The following NCOA1 variants were observed in gnomAD, a reference collection of about 807,000 sequenced individuals.
NCOA1 encodes nuclear receptor coactivator 1, also known as Hin-2 protein.
NCOA1 carries 35 observed loss-of-function variants against 150.9 expected under a neutral mutation model. That is an observed-to-expected ratio of 0.23 (90% CI 0.18 to 0.31). The LOEUF is 0.31. NCOA1 is among the 10% of genes least tolerant of loss of function. The pLI, the probability that NCOA1 is intolerant of heterozygous loss-of-function variation, is 1.00. For synonymous variants in NCOA1, 590 were observed against 630.0 expected, an observed-to-expected ratio of 0.94 and a Z score of 0.95; for missense variants, 1,491 against 1,749.3, an observed-to-expected ratio of 0.85 and a Z score of 2.63.
At chr2:24,763,856 AG>A (rs1018630644) in intron 22 of NCOA1, among the ~76,000 whole-genome samples, 6 of 151,914 alleles carry the variant, frequency 3.9e-5, no homozygotes, top group Non-Finnish European at 7.4e-5. Flanking sequence ...TCCTGACCTA[AG>A]GTGATCCACC....
intron 20 of NCOA1, among the ~76,000 whole-genome samples, chr2:24,756,250 C>G (rs1229038667): frequency 6.6e-6 from 1 of 152,020 alleles, no homozygotes; most frequent in African/African-American, 2.4e-5. Flanking sequence ...GTAAAACTCC[C>G]ATCTCCAAAA....
At chr2:24,727,151 A>AT (rs1674674144) in intron 15 of NCOA1, among the ~76,000 whole-genome samples, 1 of 151,096 alleles carries the variant, frequency 6.6e-6, no homozygotes, top group Non-Finnish European at 1.5e-5. Flanking sequence ...AAAAAAAAAA[A>AT]AAAAAAAAAA....
At chr2:24,664,605 G>T (rs761211888) in intron 5 of NCOA1, among the ~76,000 whole-genome samples, 29 of 152,180 alleles carry the variant, frequency 1.9e-4, no homozygotes, top group Non-Finnish European at 3.8e-4. Context: ...CTACTTGGGA[G>T]GCTGAGGCAG....
chr2:24,631,909 G>A (rs961039581), intron 3 of NCOA1, among the ~76,000 whole-genome samples: 2 of 151,958 alleles, frequency 1.3e-5, no homozygotes, highest in Non-Finnish European at 2.9e-5. Context: ...TCAGGATAGT[G>A]GATTCTTAAA....
At chr2:24,584,737 A>C (rs931079186) in intron 3 of NCOA1, among the ~76,000 whole-genome samples, 177 bp downstream of exon 3, 5 of 152,236 alleles carry the variant, frequency 3.3e-5, no homozygotes, top group African/African-American at 1.2e-4. Flanking sequence ...AGTCTGCTTA[A>C]AGCTGTGTAG....
intron 6 of NCOA1, among the ~76,000 whole-genome samples, chr2:24,671,636 C>G (rs1671688673): frequency 6.6e-6 from 1 of 152,186 alleles, no homozygotes; most frequent in African/African-American, 2.4e-5. Flanking sequence ...TCTCGGCTCA[C>G]TGCAACCTCT....
rs181574126 is a variant in NCOA1, at chr2:24,516,224, G to A, written c.-396+24622G>A. Reference sequence around the variant, plus strand: ...TTTTTTTTTTTTGAGACGGAGCCTCGCTCTGTCGCCCAGGCTGGAGTGCAG... The same window carrying A: ...TTTTTTTTTTTTGAGACGGAGCCTCACTCTGTCGCCCAGGCTGGAGTGCAG... On this transcript the variant is annotated intron_variant, in intron 1 of 22. Transcript: ENST00000348332. 9.3e-5 allele frequency among the ~76,000 whole-genome samples: 11 copies of A among 118,374 alleles called. No individual in the cohort carries two copies. In the East Asian group the frequency reaches 2.5e-3, roughly 27 times the overall value. 77.7% of individuals were successfully genotyped at this position (118,374 alleles called of 152,430 possible).
At chr2:24,730,899 A>T (rs140903631) in intron 17 of NCOA1, among the ~76,000 whole-genome samples, 2,646 of 145,996 alleles carry the variant, frequency 0.018, 243 homozygotes, top group Admixed American at 0.15. Context: ...AAAAACGGGC[A>T]TGGTGGCACG....
chr2:24,730,051 G>A (rs2148642722), intron 17 of NCOA1, among the ~76,000 whole-genome samples: 1 of 152,180 alleles, frequency 6.6e-6, no homozygotes, highest in African/African-American at 2.4e-5. Context: ...TCACCATATT[G>A]GCCAGGATGG....
chr2:24,537,482 ATGTG>A (rs199844769), intron 1 of NCOA1, among the ~76,000 whole-genome samples: 1 of 150,312 alleles, frequency 6.7e-6, no homozygotes, highest in African/African-American at 2.4e-5. Flanking sequence ...TAATATATGT[ATGTG>A]TGTGTGTGTG....
At chr2:24,507,187 A>G (rs891213359) in intron 1 of NCOA1, among the ~76,000 whole-genome samples, 2 of 152,204 alleles carry the variant, frequency 1.3e-5, no homozygotes, top group African/African-American at 4.8e-5. Flanking sequence ...AGACAGCTTT[A>G]TGGATGAGGG....
chr2:24,676,208 TC>T, intron 7 of NCOA1: 1 of 154,638 alleles, frequency 6.5e-6, no homozygotes. Context: ...GTACTATCCG[TC>T]CCAGATTTGT....
intron 3 of NCOA1, among the ~76,000 whole-genome samples, chr2:24,636,599 C>A (rs975439201): frequency 2.0e-5 from 3 of 151,962 alleles, no homozygotes; most frequent in African/African-American, 7.3e-5. Flanking sequence ...ACTTTTATTT[C>A]TCTTTCTGGC....
chr2:24,747,012 T>G (rs1161143855), intron 19 of NCOA1, among the ~76,000 whole-genome samples: 2 of 152,182 alleles, frequency 1.3e-5, no homozygotes, highest in African/African-American at 4.8e-5. Context: ...ACCATCCACT[T>G]AGTTTTGCTT....
At chr2:24,677,307 G>A (rs1378252526) in intron 7 of NCOA1, among the ~76,000 whole-genome samples, 2 of 152,138 alleles carry the variant, frequency 1.3e-5, no homozygotes, top group African/African-American at 2.4e-5. Flanking sequence ...TCACGCCACT[G>A]CACTCCAGCC....
At chr2:24,557,226 T>G (rs534267632) in intron 1 of NCOA1, among the ~76,000 whole-genome samples, 1 of 152,124 alleles carries the variant, frequency 6.6e-6, no homozygotes, top group African/African-American at 2.4e-5. Flanking sequence ...TTAAAAGATA[T>G]ATCTTTAACT....
intron 1 of NCOA1, among the ~76,000 whole-genome samples, chr2:24,563,199 T>A (rs541681539): frequency 6.6e-6 from 1 of 152,198 alleles, no homozygotes; most frequent in South Asian, 2.1e-4. Context: ...GAGGTCCTTG[T>A]GGAAAAGGTT....
intron 3 of NCOA1, among the ~76,000 whole-genome samples, chr2:24,617,627 C>G (rs1481622089): frequency 1.3e-5 from 2 of 152,106 alleles, no homozygotes; most frequent in Non-Finnish European, 2.9e-5. Flanking sequence ...GTGTACGTAA[C>G]TGAGTTAATC....
intron 5 of NCOA1, among the ~76,000 whole-genome samples, chr2:24,662,264 A>G (rs1268889747): frequency 6.6e-6 from 1 of 152,230 alleles, no homozygotes; most frequent in Non-Finnish European, 1.5e-5. Context: ...GATATCTCAT[A>G]TCTTCCTCCT....
Sources: gnomAD v4.1 joint callset for allele counts (sites outside exome capture counted in the v4.1 genomes callset) on GRCh38, gnomAD v4.1.1 for gene constraint, MANE v1.5 for transcripts, NCBI Gene and HGNC (gene_info 2026-07-23, HGNC 2026-07-21) for gene names.